PALLD: variants seen among roughly 807,000 people sequenced by gnomAD.
PALLD encodes the protein palladin, cytoskeletal associated protein, also known as palladin.
In PALLD, 61 loss-of-function variants were observed where a neutral mutation model predicts 123.5. The observed-to-expected ratio is 0.49, with a 90% CI of 0.40 to 0.61. The LOEUF is 0.61. PALLD is among the 20% of genes least tolerant of loss of function. The pLI is 0.00. For synonymous variants in PALLD, 465 were observed against 496.4 expected (o/e 0.94, Z 0.84); for missense variants, 1,273 against 1,377.0 (o/e 0.92, Z 1.20).
chr4:168,687,022 G>A (rs995639427), intron 6 of PALLD, among the ~76,000 whole-genome samples: 1 of 152,216 alleles, frequency 6.6e-6, no homozygotes, highest in African/African-American at 2.4e-5. Context: ...TTCTTCAGCA[G>A]AGGTGAAAAA....
At chr4:168,590,712 C>T (rs1424462735) in intron 2 of PALLD, among the ~76,000 whole-genome samples, 1 of 151,970 alleles carries the variant, frequency 6.6e-6, no homozygotes, top group Non-Finnish European at 1.5e-5. Context: ...AGGAGATGTC[C>T]GTGGCACACA....
In PALLD at chr4:168,770,720, G is replaced by C. The variant is rs377223909; in HGVS notation, c.1964+58797G>C. On this transcript the variant is annotated intron_variant, in intron 10 of 21. Coordinates refer to ENST00000505667, the MANE Select transcript of PALLD (RefSeq NM_001166108.2). ...GCCTGTTTCCTATACACTTCAGAGA[G>C]AGCCAGAGCTTCACAAGCCAATTAA... 6.7e-4 allele frequency among the ~76,000 whole-genome samples: 99 copies of C among 147,816 alleles called. 1 individual carries two copies. In the South Asian group the frequency reaches 0.019, roughly 28 times the overall value.
chr4:168,680,615 T>C (rs1040222483), intron 3 of PALLD, among the ~76,000 whole-genome samples: 1 of 152,002 alleles, frequency 6.6e-6, no homozygotes, highest in African/African-American at 2.4e-5. Flanking sequence ...TTCTGTGCTA[T>C]ATGGTTATTT....
intron 2 of PALLD, among the ~76,000 whole-genome samples, chr4:168,590,875 T>G (rs13104561): frequency 0.02 from 1,650 of 81,478 alleles, 28 homozygotes; most frequent in South Asian, 0.029. Context: ...TTTTTTTTTT[T>G]TTTTTTTTTT....
chr4:168,785,770 A>G (rs772720240), intron 10 of PALLD, among the ~76,000 whole-genome samples: 13 of 149,928 alleles, frequency 8.7e-5, no homozygotes, highest in Non-Finnish European at 1.9e-4. Context: ...AAAGGAAGAC[A>G]GTGACATAAC....
chr4:168,712,194 C>T, intron 10 of PALLD: 1 of 539,960 alleles, frequency 1.9e-6, no homozygotes, highest in South Asian at 2.1e-5. Context: ...TTCCAACATA[C>T]AGCTAAGGAT....
At chr4:168,924,859 C>T in intron 19 of PALLD, 86 bp from the exon 20 acceptor site, 2 of 1,336,680 alleles carry the variant, frequency 1.5e-6, no homozygotes, top group Non-Finnish European at 2.2e-6. Context: ...AATTCTGTTT[C>T]TAATGATCTA....
rs182437106 is a variant in PALLD, at chr4:168,560,713, G to C, written c.908+48301G>C. On this transcript the variant is annotated intron_variant, in intron 2 of 21. Coordinates refer to ENST00000505667, the MANE Select transcript of PALLD (RefSeq NM_001166108.2). ...AGACATGTATTCAACCAACATTTGA[G>C]TTCCTAGTAAGTGCCAGGTACTGTC... 1.7e-4 allele frequency among the ~76,000 whole-genome samples: 26 copies of C among 152,266 alleles called. No homozygotes were observed. The East Asian group carries it at 5.0e-3, about 29-fold the overall frequency.
At chr4:168,595,667 A>G (rs1434185747) in intron 2 of PALLD, among the ~76,000 whole-genome samples, 1 of 152,150 alleles carries the variant, frequency 6.6e-6, no homozygotes, top group Non-Finnish European at 1.5e-5. Context: ...TTGCTGTGAC[A>G]ATGTCCTTGG....
At chr4:168,745,431 G>C (rs1455609364) in intron 10 of PALLD, among the ~76,000 whole-genome samples, 1 of 140,540 alleles carries the variant, frequency 7.1e-6, no homozygotes, top group African/African-American at 2.6e-5. Context: ...GATGGGAGGG[G>C]GGGGCAAATA....
At chr4:168,618,126 C>A (rs1020770614) in intron 2 of PALLD, among the ~76,000 whole-genome samples, 4 of 152,160 alleles carry the variant, frequency 2.6e-5, no homozygotes, top group African/African-American at 9.7e-5. Context: ...TCCAGTCCTA[C>A]CACCTCTGAT....
intron 10 of PALLD, among the ~76,000 whole-genome samples, chr4:168,886,158 A>G (rs1753305540): frequency 6.6e-6 from 1 of 152,160 alleles, no homozygotes; most frequent in Admixed American, 6.5e-5. Flanking sequence ...TTTTTTTAAT[A>G]TATTTTCATT....
At position 168,775,230 on chromosome 4, in the gene PALLD, G is replaced by A. The variant is rs1039986654; in HGVS notation, c.1964+63307G>A. On this transcript the variant is annotated intron_variant, in intron 10 of 21. Coordinates refer to ENST00000505667, the MANE Select transcript of PALLD (RefSeq NM_001166108.2). Reference sequence around the variant, plus strand: ...GTATCATTAGTTTTTCTTAATTTTAGCCACTTTAACAGGTGTGTAGTAGAA... The same window carrying A: ...GTATCATTAGTTTTTCTTAATTTTAACCACTTTAACAGGTGTGTAGTAGAA... Among the ~76,000 whole-genome samples the A allele has an allele frequency of 3.9e-5, 6 of 152,010 alleles. No individual in the cohort carries two copies. In the East Asian group the frequency reaches 5.8e-4, roughly 15 times the overall value.
rs1768518804 is a variant in PALLD at position 168,567,537 on chromosome 4, A to C, written c.908+55125A>C. ...CATCAATGGTTGATTGGATAAAGAAAATGTGGTGTGTGTGTGTGTGTGTGT... is the reference window on the plus strand; with the variant it reads ...CATCAATGGTTGATTGGATAAAGAACATGTGGTGTGTGTGTGTGTGTGTGT... On this transcript the variant is annotated intron_variant, in intron 2 of 21. Coordinates refer to ENST00000505667, the MANE Select transcript of PALLD (RefSeq NM_001166108.2). 1.5e-4 allele frequency among the ~76,000 whole-genome samples: 17 copies of C among 113,912 alleles called. No individual in the cohort carries two copies. In the South Asian group the frequency reaches 5.1e-3, roughly 34 times the overall value. 74.7% of individuals were successfully genotyped at this position (113,912 alleles called of 152,430 possible). A position where few individuals can be genotyped will look rare whatever the true frequency, so the allele number is the denominator to read the frequency against.
chr4:168,724,250 T>A (rs1786322540), intron 10 of PALLD, among the ~76,000 whole-genome samples: 1 of 152,258 alleles, frequency 6.6e-6, no homozygotes. Flanking sequence ...TTTACAACTT[T>A]TACTACTAGA....
chr4:168,847,099 A>G (rs1353561640), intron 10 of PALLD, among the ~76,000 whole-genome samples: 2 of 152,184 alleles, frequency 1.3e-5, no homozygotes, highest in African/African-American at 2.4e-5. Context: ...AGGATCATCT[A>G]TTCTTTCCTC....
chr4:168,572,579 C>T (rs943491754), intron 2 of PALLD, among the ~76,000 whole-genome samples: 7 of 151,988 alleles, frequency 4.6e-5, no homozygotes, highest in African/African-American at 1.4e-4. Flanking sequence ...AAACCGAACA[C>T]TTGATTTGAT....
intron 10 of PALLD, among the ~76,000 whole-genome samples, chr4:168,719,984 T>C (rs1034287908): frequency 1.3e-5 from 2 of 152,232 alleles, no homozygotes; most frequent in African/African-American, 4.8e-5. Context: ...CTACCATTGA[T>C]GGGCATTAGG....
intron 2 of PALLD, among the ~76,000 whole-genome samples, chr4:168,612,560 C>T (rs928991827): frequency 1.3e-5 from 2 of 152,180 alleles, no homozygotes; most frequent in African/African-American, 4.8e-5. Flanking sequence ...ATCTAAGGTA[C>T]AGCTGTGCAT....
Sources: allele counts gnomAD v4.1 joint callset (sites outside exome capture counted in the v4.1 genomes callset), GRCh38; gene constraint gnomAD v4.1.1; transcripts MANE v1.5; gene names NCBI Gene and HGNC (gene_info 2026-07-23, HGNC 2026-07-21).